LRRTM4: variants seen among roughly 807,000 people sequenced by gnomAD.
The protein encoded by LRRTM4 is leucine rich repeat transmembrane neuronal 4.
LRRTM4 carries 25 observed loss-of-function variants against 47.6 expected under a neutral mutation model. The ratio of observed to expected loss-of-function variants is 0.53; its 90% CI spans 0.38 to 0.73. The LOEUF (loss-of-function observed/expected upper bound fraction) is 0.73, where lower values mean the gene tolerates loss of function less well. Among genes scored for constraint, LRRTM4 ranks in the 30% least tolerant of loss-of-function variants. The pLI, the probability that LRRTM4 is intolerant of heterozygous loss-of-function variation, is 0.00. For missense variants in LRRTM4, 638 were observed against 713.4 expected (o/e 0.89, Z 1.20); for synonymous variants, 311 against 269.5 (o/e 1.15, Z -1.51).
intron 3 of LRRTM4, among the ~76,000 whole-genome samples, chr2:76,996,334 A>T (rs1677202221): frequency 6.6e-6 from 1 of 151,880 alleles, no homozygotes; most frequent in African/African-American, 2.4e-5. Flanking sequence ...AATGTTAATC[A>T]TGAGAGATTC....
At chr2:76,893,033 T>C (rs973068757) in intron 3 of LRRTM4, among the ~76,000 whole-genome samples, 5 of 147,520 alleles carry the variant, frequency 3.4e-5, no homozygotes, top group South Asian at 2.2e-4. Context: ...GAAACAATCA[T>C]AATCATTGTC....
intron 3 of LRRTM4, among the ~76,000 whole-genome samples, chr2:77,050,085 C>T (rs1679377899): frequency 6.6e-6 from 1 of 150,422 alleles, no homozygotes; most frequent in Admixed American, 6.6e-5. Flanking sequence ...AAAGAGTACC[C>T]AATAGGCTTC....
At chr2:76,754,173 T>C (rs1327847487) in intron 3 of LRRTM4, among the ~76,000 whole-genome samples, 5 of 152,182 alleles carry the variant, frequency 3.3e-5, no homozygotes, top group Admixed American at 6.5e-5. Context: ...TTAATGAAGA[T>C]AGACACTTCA....
intron 3 of LRRTM4, among the ~76,000 whole-genome samples, chr2:76,962,862 A>G (rs1249753784): frequency 6.6e-6 from 1 of 150,842 alleles, no homozygotes; most frequent in African/African-American, 2.4e-5. Flanking sequence ...AAGATGCTAA[A>G]CTTTACATTT....
intron 3 of LRRTM4, among the ~76,000 whole-genome samples, chr2:77,233,820 G>T (rs116206264): frequency 0.015 from 2,347 of 152,082 alleles, 25 homozygotes; most frequent in Non-Finnish European, 0.025. Flanking sequence ...ACGGAGTCTC[G>T]CTGTCACCCA....
At chr2:76,931,118 A>T (rs1674754630) in intron 3 of LRRTM4, among the ~76,000 whole-genome samples, 1 of 150,842 alleles carries the variant, frequency 6.6e-6, no homozygotes, top group Non-Finnish European at 1.5e-5. Context: ...AAAAGCAATG[A>T]GAAAGAAAGA....
At chr2:77,017,124 C>A (rs941516651) in intron 3 of LRRTM4, among the ~76,000 whole-genome samples, 63 of 152,126 alleles carry the variant, frequency 4.1e-4, no homozygotes, top group African/African-American at 1.5e-3. Flanking sequence ...TAAGTATCAT[C>A]AGAAAGAATT....
chr2:76,808,138 G>C (rs1670612438), intron 3 of LRRTM4, among the ~76,000 whole-genome samples: 1 of 151,480 alleles, frequency 6.6e-6, no homozygotes, highest in South Asian at 2.1e-4. Flanking sequence ...TCCTGCCTCA[G>C]CCTTACTCAG....
intron 3 of LRRTM4, among the ~76,000 whole-genome samples, chr2:77,510,382 C>T (rs1352479666): frequency 2.0e-5 from 3 of 151,904 alleles, no homozygotes; most frequent in Non-Finnish European, 4.4e-5. Context: ...GAATTTATAC[C>T]CAAAGACTGT....
chr2:77,517,151 C>G, intron 3 of LRRTM4: 1 of 984,996 alleles, frequency 1.0e-6, no homozygotes, highest in Non-Finnish European at 1.2e-6. Flanking sequence ...TTACATCCAG[C>G]ATTACTTATT....
At chr2:76,945,471 G>T (rs1190851078) in intron 3 of LRRTM4, among the ~76,000 whole-genome samples, 1 of 151,976 alleles carries the variant, frequency 6.6e-6, no homozygotes, top group Non-Finnish European at 1.5e-5. Flanking sequence ...TGGCAAATGT[G>T]CAATGGAGTT....
At chr2:77,084,968 A>T (rs1208558164) in intron 3 of LRRTM4, among the ~76,000 whole-genome samples, 5 of 152,204 alleles carry the variant, frequency 3.3e-5, no homozygotes, top group African/African-American at 1.2e-4. Flanking sequence ...TTGTAAATTC[A>T]AAGCTGTTAC....
At chr2:76,909,714 C>T (rs903384692) in intron 3 of LRRTM4, among the ~76,000 whole-genome samples, 2 of 152,252 alleles carry the variant, frequency 1.3e-5, no homozygotes, top group African/African-American at 4.8e-5. Flanking sequence ...CAAAAGAAGA[C>T]ATTTATGCAG....
intron 3 of LRRTM4, among the ~76,000 whole-genome samples, chr2:77,056,301 CAAGAAT>C (rs1679607506): frequency 6.6e-6 from 1 of 152,190 alleles, no homozygotes; most frequent in Non-Finnish European, 1.5e-5. Context: ...AAACTTGCTT[CAAGAAT>C]AAGATTTTAT....
intron 3 of LRRTM4, among the ~76,000 whole-genome samples, chr2:77,474,654 A>G (rs1227040516): frequency 6.6e-6 from 1 of 152,132 alleles, no homozygotes; most frequent in Admixed American, 6.6e-5. Context: ...ATTGATTTTT[A>G]GATTTCTTCT....
intron 3 of LRRTM4, among the ~76,000 whole-genome samples, chr2:77,239,528 T>G (rs1205145197): frequency 6.6e-6 from 1 of 151,910 alleles, no homozygotes; most frequent in African/African-American, 2.4e-5. Flanking sequence ...CCCAACTGTA[T>G]GCTGTCCACA....
intron 2 of LRRTM4, among the ~76,000 whole-genome samples, chr2:77,520,221 C>T (rs1210440927): frequency 1.3e-5 from 2 of 151,930 alleles, no homozygotes; most frequent in Admixed American, 1.3e-4. Context: ...AACAACAGTA[C>T]CAAAAGGAAG....
intron 3 of LRRTM4, among the ~76,000 whole-genome samples, chr2:77,251,804 G>A (rs939549233): frequency 1.3e-5 from 2 of 152,018 alleles, no homozygotes; most frequent in African/African-American, 4.8e-5. Flanking sequence ...CACATACATG[G>A]TATTTTGTTG....
At chr2:76,783,813 G>T (rs1278064954) in intron 3 of LRRTM4, among the ~76,000 whole-genome samples, 1 of 152,120 alleles carries the variant, frequency 6.6e-6, no homozygotes, top group African/African-American at 2.4e-5. Flanking sequence ...AAGAAATTCA[G>T]CAGTGCCGTA....
Sources: allele counts gnomAD v4.1 joint callset (sites outside exome capture counted in the v4.1 genomes callset), GRCh38; gene constraint gnomAD v4.1.1; transcripts MANE v1.5; gene names NCBI Gene and HGNC (gene_info 2026-07-23, HGNC 2026-07-21).